The following PCDHA5 variants were observed in gnomAD, a reference collection of about 807,000 sequenced individuals.
The protein encoded by PCDHA5 is protocadherin alpha-5.
PCDHA5 carries 43 observed loss-of-function variants against 61.6 expected under a neutral mutation model. That is an observed-to-expected ratio of 0.70 (90% CI 0.55 to 0.90). PCDHA5 has a LOEUF of 0.90. Ranked by LOEUF, PCDHA5 falls within the 40% of genes least tolerant of loss-of-function variation. The pLI, the probability that PCDHA5 is intolerant of heterozygous loss-of-function variation, is 0.00. For synonymous variants in PCDHA5, 627 were observed against 543.9 expected, an observed-to-expected ratio of 1.15 and a Z score of -2.13; for missense variants, 1,298 against 1,222.7, an observed-to-expected ratio of 1.06 and a Z score of -0.92.
chr5:140,980,714 G>A (rs958793243), intron 2 of PCDHA5, among the ~76,000 whole-genome samples: 7 of 151,264 alleles, frequency 4.6e-5, no homozygotes, highest in African/African-American at 9.7e-5. Context: ...GCTCCTATTC[G>A]GGTTTCAATT....
At chr5:140,963,068 G>C (rs1472395054) in intron 1 of PCDHA5, among the ~76,000 whole-genome samples, 3 of 152,064 alleles carry the variant, frequency 2.0e-5, no homozygotes, top group African/African-American at 7.2e-5. Context: ...CATTGTGAAG[G>C]AGACAGAAAT....
intron 1 of PCDHA5, among the ~76,000 whole-genome samples, chr5:140,873,389 T>C (rs2054266406): frequency 6.6e-6 from 1 of 152,220 alleles, no homozygotes; most frequent in Admixed American, 6.5e-5. Flanking sequence ...GACTTGGGAA[T>C]GTTTTCAGTA....
At position 140,828,520 on chromosome 5, in the gene PCDHA5, C is replaced by T. The variant is rs2150156351; in HGVS notation, c.2352+4393C>T. On this transcript the variant is annotated intron_variant, in intron 1 of 3. Coordinates refer to ENST00000529859, the MANE Select transcript of PCDHA5 (RefSeq NM_018908.3). ...TAGAGGAACAAAGAGTGCTGATTTA[C>T]GAATCTAGGCTGCCAGATTCTGTGT... 3.1e-6 allele frequency: 5 copies of T among 1,614,196 alleles called. No individual in the cohort carries two copies. In the African/African-American group the frequency reaches 4.0e-5, roughly 13 times the overall value.
intron 1 of PCDHA5, among the ~76,000 whole-genome samples, chr5:140,909,839 C>A (rs2074714040): frequency 1.3e-5 from 2 of 152,146 alleles, no homozygotes; most frequent in Admixed American, 6.5e-5. Context: ...GGAGGACCAC[C>A]AGGACGTTTT....
rs1169981457 is a variant in PCDHA5, at chr5:140,955,139, G to GT, written c.2353-23805dup. ...TTCTGTTCCACTGGTCTACACGTCT[G>GT]TTTTTGTACCAGTACCGTGCTGTTT... On this transcript the variant is annotated intron_variant, in intron 1 of 3. Coordinates refer to ENST00000529859, the MANE Select transcript of PCDHA5 (RefSeq NM_018908.3). Among the ~76,000 whole-genome samples the GT allele has an allele frequency of 2.0e-5, 3 of 152,138 alleles. No homozygotes were observed. The East Asian group carries it at 5.8e-4, about 29-fold the overall frequency.
At chr5:140,882,262 G>GTGTA (rs781901698) in intron 1 of PCDHA5, 2 of 1,605,126 alleles carry the variant, frequency 1.2e-6, no homozygotes, top group Non-Finnish European at 1.7e-6. Context: ...GGTTTTTGGA[G>GTGTA]TGTACCATGC....
intron 1 of PCDHA5, chr5:140,877,318 G>T (rs1193928342): frequency 1.9e-6 from 3 of 1,614,000 alleles, no homozygotes; most frequent in Non-Finnish European, 2.5e-6. Context: ...ACCGGCGGCG[G>T]TCGGCGCGCA....
At chr5:140,843,592 G>C in intron 1 of PCDHA5, 1 of 1,596,002 alleles carries the variant, frequency 6.3e-7, no homozygotes, top group African/African-American at 1.3e-5. Context: ...AGCCGCAGAG[G>C]GTGTGCTCTG....
chr5:140,869,778 C>A (rs782226363), intron 1 of PCDHA5: 1 of 1,612,922 alleles, frequency 6.2e-7, no homozygotes, highest in Non-Finnish European at 8.5e-7. Context: ...TTACTGGCAC[C>A]GTTCGGCTGT....
chr5:140,853,458 T>TA lies in PCDHA5; in HGVS notation c.2352+29332dup. 7 of 974,486 alleles carry TA rather than the reference T, an allele frequency of 7.2e-6. 1 individual carries two copies. Among genetic ancestry groups the TA allele is most frequent in the Non-Finnish European group, 8.7e-6 (7 of 807,370 alleles). The allele number at this position is 974,486 out of a possible 1,614,324, so 60.4% of individuals were successfully genotyped here. ...CTATTTTGCCTAATAGGTCTCCTTA[T>TA]ATGCATCTGTAGTTAACATTCCTCA... On this transcript the variant is annotated intron_variant, in intron 1 of 3. Coordinates refer to ENST00000529859, the MANE Select transcript of PCDHA5 (RefSeq NM_018908.3).
At chr5:140,969,141 G>T in intron 1 of PCDHA5, 1 of 1,614,158 alleles carries the variant, frequency 6.2e-7, no homozygotes, top group Non-Finnish European at 8.5e-7. Context: ...AAGACCTACT[G>T]CTACAAGGCC....
At chr5:140,829,189 T>A in intron 1 of PCDHA5, 1 of 1,614,208 alleles carries the variant, frequency 6.2e-7, no homozygotes, top group Non-Finnish European at 8.5e-7. Flanking sequence ...CTCAATTTGG[T>A]ACTGTCATCG....
At chr5:140,925,690 G>GT (rs2082677818) in intron 1 of PCDHA5, among the ~76,000 whole-genome samples, 1 of 149,642 alleles carries the variant, frequency 6.7e-6, no homozygotes, top group African/African-American at 2.5e-5. Flanking sequence ...GCGAGGGTGG[G>GT]TATCTAGCCT....
chr5:140,828,991 A>G (rs1770068473), intron 1 of PCDHA5: 1 of 1,613,938 alleles, frequency 6.2e-7, no homozygotes, highest in Non-Finnish European at 8.5e-7. Context: ...GAAATACGGG[A>G]GAAATAGTGA....
intron 1 of PCDHA5, chr5:140,857,704 G>A: frequency 6.3e-7 from 1 of 1,597,424 alleles, no homozygotes; most frequent in Non-Finnish European, 8.6e-7. Flanking sequence ...CGCTGCAGGT[G>A]TTCGTGCTGG....
rs2150113817 is a variant in PCDHA5 at position 140,822,122 on chromosome 5, T to C, written c.347T>C (p.Phe116Ser). Residue 116 changes from phenylalanine (F) to serine (S), a missense_variant, in exon 1 of 4, where the codon TTC becomes TCC. Phe to Ser is a radical substitution (Grantham distance 155). Transcript: ENST00000529859. ...ATCGTGGACAGGCCGCTGCAGGTTT[T>C]CCATGTGGAGGTGGCAGTGAAGGAC... ...EVIVDRPLQVFHVEVAVKDIN... is the reference protein window; with the variant it reads ...EVIVDRPLQVSHVEVAVKDIN... The C allele has an allele frequency of 7.4e-6, 12 of 1,614,232 alleles. No individual in the cohort carries two copies. The highest frequency in any genetic ancestry group is 1.0e-5 in the Non-Finnish European group (12 of 1,180,038).
In PCDHA5 at chr5:140,857,222, G is replaced by T. The variant is rs373834853; in HGVS notation, c.2352+33095G>T. ...GGTCACCTGCTCTCTGACGCCTCAC[G>T]TTCCGTTCAAGCTGGTGTCCACCTA... On this transcript the variant is annotated intron_variant, in intron 1 of 3. Coordinates refer to ENST00000529859, the MANE Select transcript of PCDHA5 (RefSeq NM_018908.3). 4 of 1,598,456 alleles carry T rather than the reference G, an allele frequency of 2.5e-6. No individual in the cohort carries two copies. Among genetic ancestry groups the T allele is most frequent in the African/African-American group, 2.7e-5 (2 of 74,394 alleles).
In PCDHA5 at chr5:140,928,627, T is replaced by G. The variant is rs782634688; in HGVS notation, c.2353-50322T>G. The G allele has an allele frequency of 1.5e-5, 24 of 1,614,220 alleles. No homozygotes were observed. The highest frequency in any genetic ancestry group is 1.9e-5 in the Non-Finnish European group (23 of 1,180,026). On this transcript the variant is annotated intron_variant, in intron 1 of 3. Transcript: ENST00000529859. ...GCCCCGCTCTGCCAGGACTGGACAC[T>G]TGGTCACAAAAGTGGTAGCAGAGGA...
chr5:140,881,398 AT>A (rs1269168835), intron 1 of PCDHA5: 1 of 975,426 alleles, frequency 1.0e-6, no homozygotes, highest in Non-Finnish European at 1.2e-6. Context: ...GTTAAATTCT[AT>A]TAAATCAATA....
Sources: allele counts gnomAD v4.1 joint callset (sites outside exome capture counted in the v4.1 genomes callset), GRCh38; gene constraint gnomAD v4.1.1; transcripts MANE v1.5; gene names NCBI Gene and HGNC (gene_info 2026-07-23, HGNC 2026-07-21).